Variants in CRPPA observed in about 807,000 individuals in gnomAD.
The protein encoded by CRPPA is D-ribitol-5-phosphate cytidylyltransferase.
A neutral mutation model predicts 52.0 loss-of-function variants in CRPPA; 43 were observed. The observed-to-expected ratio is 0.83, with a 90% CI of 0.65 to 1.07. The LOEUF is 1.07. Ranked by LOEUF, CRPPA falls within the 50% of genes least tolerant of loss-of-function variation. The pLI is 0.00. For synonymous variants in CRPPA, 250 were observed against 203.5 expected (o/e 1.23, Z -1.94); for missense variants, 629 against 551.7 (o/e 1.14, Z -1.40).
intron 9 of CRPPA, among the ~76,000 whole-genome samples, chr7:16,184,649 A>G (rs761650778): frequency 1.3e-4 from 20 of 152,192 alleles, no homozygotes; most frequent in Non-Finnish European, 2.8e-4. Flanking sequence ...TGAACATTTT[A>G]TTATAAAACA....
intron 3 of CRPPA, among the ~76,000 whole-genome samples, chr7:16,356,055 A>G (rs995472798): frequency 1.7e-4 from 12 of 70,666 alleles, no homozygotes; most frequent in Non-Finnish European, 2.9e-4. Context: ...TGGAACTGGA[A>G]AAAAAAAAAT....
chr7:16,287,781 G>T (rs1013811743), intron 5 of CRPPA, among the ~76,000 whole-genome samples: 17 of 152,108 alleles, frequency 1.1e-4, no homozygotes, highest in Non-Finnish European at 5.9e-5. Context: ...AATTAGCTGA[G>T]CGTGGTGGTG....
intron 9 of CRPPA, among the ~76,000 whole-genome samples, chr7:16,129,834 C>A (rs7786887): frequency 0.022 from 3,294 of 152,178 alleles, 122 homozygotes; most frequent in African/African-American, 0.074. Context: ...TTCCTCCCAC[C>A]TTTTCCTTTC....
rs1214106184 is a variant in CRPPA, at chr7:16,387,072, T to C, written c.535-10831A>G. Among the ~76,000 whole-genome samples, 41 of 71,974 alleles carry C rather than the reference T, an allele frequency of 5.7e-4. 1 individual carries two copies. Among genetic ancestry groups the C allele is most frequent in the African/African-American group, 2.3e-3 (36 of 15,888 alleles). 47.2% of individuals were successfully genotyped at this position (71,974 alleles called of 152,430 possible). The stretch of plus-strand genomic sequence containing the variant: ...ATATATATATATATATATATATATA[T>C]ATATATATATATATACACACATATA... On this transcript the variant is annotated intron_variant, in intron 2 of 9. Coordinates refer to ENST00000407010, the MANE Select transcript of CRPPA (RefSeq NM_001101426.4).
intron 3 of CRPPA, among the ~76,000 whole-genome samples, chr7:16,338,327 C>CA (rs1366554829): frequency 6.6e-6 from 1 of 152,054 alleles, no homozygotes; most frequent in Non-Finnish European, 1.5e-5. Flanking sequence ...AAATATTTGA[C>CA]AAAATACACT....
intron 5 of CRPPA, among the ~76,000 whole-genome samples, chr7:16,297,575 T>C (rs529959821): frequency 6.6e-6 from 1 of 152,196 alleles, no homozygotes; most frequent in African/African-American, 2.4e-5. Context: ...TCCACCTTCA[T>C]TGAATCACAA....
chr7:16,253,710 T>C (rs1783526130), intron 8 of CRPPA, among the ~76,000 whole-genome samples: 1 of 152,056 alleles, frequency 6.6e-6, no homozygotes, highest in Admixed American at 6.6e-5. Context: ...ACCAAAGCAA[T>C]GGCAACGAAA....
intron 4 of CRPPA, among the ~76,000 whole-genome samples, chr7:16,308,077 G>T (rs1016433595): frequency 6.6e-6 from 1 of 152,062 alleles, no homozygotes; most frequent in Non-Finnish European, 1.5e-5. Context: ...AAGTGAGTGA[G>T]GTCTCGAAGT....
chr7:16,370,950 C>T (rs1002547981), intron 3 of CRPPA, among the ~76,000 whole-genome samples: 1 of 152,186 alleles, frequency 6.6e-6, no homozygotes, highest in African/African-American at 2.4e-5. Context: ...AGTCACAATT[C>T]CTCCCTACTT....
intron 3 of CRPPA, among the ~76,000 whole-genome samples, chr7:16,349,847 AAAT>A (rs993473907): frequency 6.6e-6 from 1 of 152,164 alleles, no homozygotes; most frequent in Non-Finnish European, 1.5e-5. Context: ...TATTGAAAAA[AAAT>A]AATAACAAAC....
intron 9 of CRPPA, among the ~76,000 whole-genome samples, chr7:16,159,146 G>A (rs1186560661): frequency 6.6e-6 from 1 of 152,120 alleles, no homozygotes; most frequent in African/African-American, 2.4e-5. Context: ...GCCGGGTGCG[G>A]TGGCTCACAC....
chr7:16,171,104 C>T (rs180985485), intron 9 of CRPPA, among the ~76,000 whole-genome samples: 1 of 152,234 alleles, frequency 6.6e-6, no homozygotes, highest in Non-Finnish European at 1.5e-5. Flanking sequence ...CGAGTGAGGG[C>T]TGCCAGCACG....
chr7:16,203,362 G>C (rs7801785), intron 9 of CRPPA, among the ~76,000 whole-genome samples: 5 of 152,032 alleles, frequency 3.3e-5, no homozygotes, highest in Non-Finnish European at 2.9e-5. Context: ...AAGTTAACTA[G>C]GCCTGAATGA....
At chr7:16,131,339 C>G (rs1403018777) in intron 9 of CRPPA, among the ~76,000 whole-genome samples, 1 of 152,022 alleles carries the variant, frequency 6.6e-6, no homozygotes, top group Non-Finnish European at 1.5e-5. Context: ...AATAAGTGTT[C>G]CTGAATACAA....
intron 3 of CRPPA, among the ~76,000 whole-genome samples, chr7:16,345,051 C>T (rs1484790726): frequency 2.0e-5 from 3 of 152,058 alleles, no homozygotes; most frequent in Non-Finnish European, 2.9e-5. Context: ...CATATAAATG[C>T]ATAAAAATCA....
At chr7:16,103,044 T>G (rs1782080032) in intron 9 of CRPPA, among the ~76,000 whole-genome samples, 1 of 152,188 alleles carries the variant, frequency 6.6e-6, no homozygotes, top group Non-Finnish European at 1.5e-5. Context: ...AGGAAAGACT[T>G]GGAACCAACC....
chr7:16,326,088 G>T (rs1020902336), intron 3 of CRPPA, among the ~76,000 whole-genome samples: 1 of 147,952 alleles, frequency 6.8e-6, no homozygotes, highest in Non-Finnish European at 1.5e-5. Flanking sequence ...CTCAGTGACA[G>T]TACTAAGGCT....
At chr7:16,180,674 A>G (rs994031001) in intron 9 of CRPPA, among the ~76,000 whole-genome samples, 4 of 152,086 alleles carry the variant, frequency 2.6e-5, no homozygotes, top group African/African-American at 7.2e-5. Flanking sequence ...TGAAATGCCA[A>G]TTCTCCAATT....
chr7:16,388,572 CT>C (rs2128314342), intron 2 of CRPPA, among the ~76,000 whole-genome samples: 1 of 152,182 alleles, frequency 6.6e-6, no homozygotes, highest in East Asian at 1.9e-4. Context: ...AAATATGGTT[CT>C]CTTATAAAAT....
Sources: allele counts gnomAD v4.1 joint callset (sites outside exome capture counted in the v4.1 genomes callset), GRCh38; gene constraint gnomAD v4.1.1; transcripts MANE v1.5; gene names NCBI Gene and HGNC (gene_info 2026-07-23, HGNC 2026-07-21).